Variants in CCSER1 observed in about 807,000 individuals in gnomAD.
CCSER1 encodes the protein serine-rich coiled-coil domain-containing protein 1.
CCSER1 carries 41 observed loss-of-function variants against 82.0 expected under a neutral mutation model. The ratio of observed to expected loss-of-function variants is 0.50; its 90% confidence interval spans 0.39 to 0.65. The LOEUF (loss-of-function observed/expected upper bound fraction) is 0.65. Among genes scored for constraint, CCSER1 ranks in the 30% least tolerant of loss-of-function variants. The probability of loss-of-function intolerance (pLI) is 0.00; values close to 1 mark genes in which losing one functional copy is unlikely to be tolerated. For missense variants in CCSER1, 1,119 were observed against 1,064.2 expected, an observed-to-expected ratio of 1.05 and a Z score of -0.72; for synonymous variants, 414 against 383.9, an observed-to-expected ratio of 1.08 and a Z score of -0.92.
intron 9 of CCSER1, among the ~76,000 whole-genome samples, chr4:91,020,388 T>C (rs898707836): frequency 4.3e-4 from 65 of 152,212 alleles, no homozygotes; most frequent in African/African-American, 1.5e-3. Flanking sequence ...CTTGGCCGGG[T>C]GCGGTGGCTC....
At chr4:90,533,795 T>C (rs1774936480) in intron 5 of CCSER1, among the ~76,000 whole-genome samples, 1 of 152,204 alleles carries the variant, frequency 6.6e-6, no homozygotes, top group Non-Finnish European at 1.5e-5. Flanking sequence ...ATTTATTTAT[T>C]TAGCCATTCA....
chr4:90,337,195 G>A (rs561076060), intron 3 of CCSER1, among the ~76,000 whole-genome samples: 52 of 152,234 alleles, frequency 3.4e-4, no homozygotes, highest in Admixed American at 6.5e-5. Context: ...AATGCAGTGG[G>A]AACAGGGCCT....
At chr4:90,501,933 T>A (rs1200957185) in intron 5 of CCSER1, among the ~76,000 whole-genome samples, 3 of 152,192 alleles carry the variant, frequency 2.0e-5, no homozygotes. Flanking sequence ...TAATTGCTGA[T>A]AGGACTAATG....
chr4:91,088,737 G>A (rs1723636298), intron 10 of CCSER1, among the ~76,000 whole-genome samples: 2 of 152,046 alleles, frequency 1.3e-5, no homozygotes, highest in Admixed American at 6.6e-5. Flanking sequence ...TATACAAAAT[G>A]TGATTGTTTA....
intron 9 of CCSER1, among the ~76,000 whole-genome samples, chr4:91,022,117 C>T (rs1220228775): frequency 2.0e-5 from 3 of 151,664 alleles, no homozygotes; most frequent in Non-Finnish European, 4.4e-5. Flanking sequence ...CGTCATTTAA[C>T]ATTAGGTATA....
At chr4:90,475,513 T>C (rs1012794054) in intron 5 of CCSER1, among the ~76,000 whole-genome samples, 3 of 152,178 alleles carry the variant, frequency 2.0e-5, no homozygotes, top group Middle Eastern at 3.2e-3. Flanking sequence ...ATAGTGGATT[T>C]TCAGAAGAAT....
At chr4:90,656,122 T>C (rs1184444526) in intron 6 of CCSER1, among the ~76,000 whole-genome samples, 1 of 151,914 alleles carries the variant, frequency 6.6e-6, no homozygotes, top group Non-Finnish European at 1.5e-5. Context: ...ACATTAAAAA[T>C]CTCTTTTTAA....
At chr4:90,578,881 A>G (rs967679840) in intron 5 of CCSER1, among the ~76,000 whole-genome samples, 1 of 152,156 alleles carries the variant, frequency 6.6e-6, no homozygotes. Context: ...ACCTTGAGGT[A>G]GACATGACAG....
chr4:91,561,553 G>T (rs1008451530), intron 10 of CCSER1, among the ~76,000 whole-genome samples: 3 of 151,316 alleles, frequency 2.0e-5, no homozygotes, highest in Non-Finnish European at 4.4e-5. Flanking sequence ...ACAGCCTTTA[G>T]CAATACATGA....
At chr4:90,333,435 CA>C (rs1268778424) in intron 3 of CCSER1, among the ~76,000 whole-genome samples, 4 of 151,324 alleles carry the variant, frequency 2.6e-5, no homozygotes. Flanking sequence ...CAAAACGAAA[CA>C]AAAAAAGAAA....
intron 10 of CCSER1, among the ~76,000 whole-genome samples, chr4:91,406,379 G>C (rs17215407): frequency 0.77 from 116,830 of 152,108 alleles, 45,480 homozygotes; most frequent in African/African-American, 0.9. Context: ...ATTGTTTTAT[G>C]ACATTCTAGT....
intron 9 of CCSER1, among the ~76,000 whole-genome samples, chr4:91,010,195 G>A (rs1416858554): frequency 6.6e-6 from 1 of 151,752 alleles, no homozygotes; most frequent in Non-Finnish European, 1.5e-5. Flanking sequence ...GGTTTTTTTT[G>A]TTTTTGTTTT....
intron 5 of CCSER1, among the ~76,000 whole-genome samples, chr4:90,574,219 T>G (rs1487361695): frequency 3.3e-5 from 5 of 151,236 alleles, no homozygotes; most frequent in Non-Finnish European, 7.4e-5. Context: ...TATTATTTAA[T>G]GTAGTGCCAT....
At chr4:90,723,527 A>T (rs966921810) in intron 6 of CCSER1, among the ~76,000 whole-genome samples, 1 of 151,916 alleles carries the variant, frequency 6.6e-6, no homozygotes. Context: ...ACTGTAATAC[A>T]CGTTTGAAAA....
intron 10 of CCSER1, among the ~76,000 whole-genome samples, chr4:91,307,097 ATTTT>A (rs1454558257): frequency 6.6e-6 from 1 of 151,920 alleles, no homozygotes; most frequent in Non-Finnish European, 1.5e-5. Context: ...ACAATCTATG[ATTTT>A]TCAAATGAAC....
rs1762888077 is a variant in CCSER1 at position 91,566,458 on chromosome 4, G to A, written c.2218-32114G>A. 2.0e-5 allele frequency among the ~76,000 whole-genome samples: 3 copies of A among 152,178 alleles called. No individual in the cohort carries two copies. In the South Asian group the frequency reaches 6.2e-4, roughly 32 times the overall value. On this transcript the variant is annotated intron_variant, in intron 10 of 10. Transcript: ENST00000509176. ...CAATTTTTTGGAATAGTTTCTGTAG[G>A]AATGACACTACCTCTTCTTTGAGCA... is the stretch of plus-strand genomic sequence containing the variant.
chr4:90,585,204 A>C (rs986139175), intron 5 of CCSER1, among the ~76,000 whole-genome samples: 10 of 152,226 alleles, frequency 6.6e-5, no homozygotes, highest in African/African-American at 2.4e-4. Context: ...TAAAATAGTT[A>C]ATGTTGAAAA....
In CCSER1 at chr4:90,190,250, T is replaced by C. The variant is rs964756625; in HGVS notation, c.-42+62419T>C. On this transcript the variant is annotated intron_variant, in intron 1 of 10. Transcript: ENST00000509176. The stretch of plus-strand genomic sequence containing the variant: ...TCCTCCCAAAAAATAAATATGAACA[T>C]TTTCAGGCATATTTGCATTCAAGAT... Among the ~76,000 whole-genome samples the C allele has an allele frequency of 4.6e-5, 7 of 152,152 alleles. No homozygotes were observed. In the East Asian group the frequency reaches 9.7e-4, roughly 21 times the overall value.
chr4:90,279,520 T>C (rs894979076), intron 1 of CCSER1, among the ~76,000 whole-genome samples: 15 of 152,002 alleles, frequency 9.9e-5, no homozygotes, highest in African/African-American at 3.6e-4. Context: ...GGGCTAGGAA[T>C]TGAATGAAAG....
Sources: allele counts gnomAD v4.1 joint callset (sites outside exome capture counted in the v4.1 genomes callset), GRCh38; gene constraint gnomAD v4.1.1; transcripts MANE v1.5; gene names NCBI Gene and HGNC (gene_info 2026-07-23, HGNC 2026-07-21).